PIK3R6: variants seen among roughly 807,000 people sequenced by gnomAD.
The protein encoded by PIK3R6 is phosphoinositide-3-kinase regulatory subunit 6, also known as phosphoinositide 3-kinase regulatory subunit 6.
PIK3R6 carries 91 observed loss-of-function variants against 84.9 expected under a neutral mutation model. The ratio of observed to expected loss-of-function variants is 1.07; its 90% CI spans 0.90 to 1.28. PIK3R6 has a LOEUF of 1.28. Among genes scored for constraint, PIK3R6 ranks in the 50% most tolerant of loss-of-function variants. The probability of loss-of-function intolerance (pLI) is 0.00; values close to 1 mark genes in which losing one functional copy is unlikely to be tolerated. For synonymous variants in PIK3R6, 416 were observed against 411.4 expected (o/e 1.01, Z -0.13); for missense variants, 996 against 985.1 (o/e 1.01, Z -0.15).
intron 13 of PIK3R6, among the ~76,000 whole-genome samples, chr17:8,824,810 C>T (rs1165847671): frequency 6.6e-6 from 1 of 152,130 alleles, no homozygotes; most frequent in Non-Finnish European, 1.5e-5. Context: ...TATGCAAAGA[C>T]ATTTTCGGAT....
At chr17:8,829,293 C>CA (rs1567587429) in intron 10 of PIK3R6, among the ~76,000 whole-genome samples, 2 of 115,958 alleles carry the variant, frequency 1.7e-5, no homozygotes, top group African/African-American at 3.6e-5. Flanking sequence ...ACGCATCATG[C>CA]ATACACACAC....
intron 1 of PIK3R6, among the ~76,000 whole-genome samples, chr17:8,853,593 T>G (rs2089040662): frequency 6.6e-6 from 1 of 151,600 alleles, no homozygotes; most frequent in Admixed American, 6.6e-5. Context: ...GAAATGCTAA[T>G]TAGATAAATC....
intron 1 of PIK3R6, among the ~76,000 whole-genome samples, chr17:8,850,709 C>T (rs1006532396): frequency 3.3e-5 from 5 of 151,836 alleles, no homozygotes; most frequent in African/African-American, 4.8e-5. Context: ...AGAAAACAAG[C>T]GAACAAACAA....
rs370161658 is a variant in PIK3R6 at position 8,832,901 on chromosome 17, C to G, written c.790G>C (p.Gly264Arg). 1.9e-6 allele frequency: 3 copies of G among 1,612,778 alleles called. No individual in the cohort carries two copies. The highest frequency in any genetic ancestry group is 2.5e-6 in the Non-Finnish European group (3 of 1,179,730). ...IYCSLLGPAAGRCGGDLVQER... is the reference protein window; with the variant it reads ...IYCSLLGPAARRCGGDLVQER... Reference sequence around the variant, plus strand: ...GCCAGTCGCTTACCACCGCAGCGCCCCGCCGCGGGACCCAGCAGCGAGCAG... The same window carrying G: ...GCCAGTCGCTTACCACCGCAGCGCCGCGCCGCGGGACCCAGCAGCGAGCAG... Residue 264 changes from glycine (G) to arginine (R), a missense_variant, in exon 9 of 20, where the codon GGG (glycine) becomes CGG (arginine). Gly to Arg is a moderately radical substitution (Grantham distance 125). Transcript: ENST00000619866.
At chr17:8,813,513 G>A (rs546402285) in intron 18 of PIK3R6, among the ~76,000 whole-genome samples, 1 of 152,110 alleles carries the variant, frequency 6.6e-6, no homozygotes, top group African/African-American at 2.4e-5. Flanking sequence ...CCTCAACAAA[G>A]TACTAGCAAA....
At chr17:8,858,484 T>C (rs2089197952) in intron 1 of PIK3R6, among the ~76,000 whole-genome samples, 1 of 151,900 alleles carries the variant, frequency 6.6e-6, no homozygotes, top group Non-Finnish European at 1.5e-5. Context: ...CCCTGGCTAA[T>C]TTTTGTATTT....
chr17:8,831,258 A>C (rs1251334702), intron 9 of PIK3R6, among the ~76,000 whole-genome samples: 1 of 137,966 alleles, frequency 7.2e-6, no homozygotes, highest in African/African-American at 2.8e-5. Flanking sequence ...TAAGCCCAGG[A>C]GGTCAAGGCT....
intron 1 of PIK3R6, among the ~76,000 whole-genome samples, chr17:8,866,608 C>T (rs1279624592): frequency 6.6e-6 from 1 of 152,140 alleles, no homozygotes; most frequent in Non-Finnish European, 1.5e-5. Flanking sequence ...CCCCCCAACA[C>T]CTGACTTTCC....
intron 1 of PIK3R6, among the ~76,000 whole-genome samples, chr17:8,850,917 A>G (rs892361170): frequency 5.9e-5 from 9 of 152,204 alleles, no homozygotes; most frequent in African/African-American, 1.9e-4. Flanking sequence ...ATTTGTAACC[A>G]GTGAGGAAAT....
chr17:8,863,195 T>C (rs905013453), intron 1 of PIK3R6, among the ~76,000 whole-genome samples: 1 of 152,188 alleles, frequency 6.6e-6, no homozygotes, highest in African/African-American at 2.4e-5. Context: ...TATGTAGATA[T>C]TTAAATATAG....
chr17:8,838,685 G>A (rs2088567380), intron 3 of PIK3R6, 30 bp from the exon 4 acceptor site: 4 of 1,557,236 alleles, frequency 2.6e-6, no homozygotes, highest in Non-Finnish European at 3.5e-6. Context: ...AGCCCGGCAT[G>A]AGCAGGTGGG....
Position 8,849,879 on chromosome 17 carries a change from G to T in PIK3R6, c.-85C>A. 6.5e-7 allele frequency: 1 copy of T among 1,538,182 alleles called. No individual in the cohort carries two copies. The highest frequency in any genetic ancestry group is 8.8e-7 in the Non-Finnish European group (1 of 1,134,254). On this transcript the variant is annotated 5_prime_UTR_variant, in exon 2 of 20. Transcript: ENST00000619866. The stretch of plus-strand genomic sequence containing the variant: ...CAAGGTGGTTGCTTTTCTGCACAGA[G>T]GTGGTTCTGCAAAATAAGAGGTAGT...
intron 18 of PIK3R6, among the ~76,000 whole-genome samples, chr17:8,818,422 G>A (rs1468482807): frequency 6.6e-6 from 1 of 152,204 alleles, no homozygotes; most frequent in African/African-American, 2.4e-5. Flanking sequence ...GCTGCGGCAG[G>A]TGCATCACCT....
chr17:8,827,441 T>C, intron 12 of PIK3R6, 147 bp from the exon 13 acceptor site: 3 of 1,028,428 alleles, frequency 2.9e-6, no homozygotes, highest in Non-Finnish European at 4.1e-6. Context: ...GTCGTTGTTC[T>C]GTTTTATAAA....
intron 17 of PIK3R6, among the ~76,000 whole-genome samples, chr17:8,820,470 TAGTC>T (rs925865398): frequency 4.0e-5 from 6 of 151,846 alleles, no homozygotes; most frequent in Admixed American, 6.6e-5. Context: ...GTCACATAGA[TAGTC>T]AGCGGCAAAG....
At chr17:8,829,133 ACT>A (rs199844919) in intron 10 of PIK3R6, 143 bp from the exon 11 acceptor site, 11,845 of 783,572 alleles carry the variant, frequency 0.015, 137 homozygotes, top group Non-Finnish European at 0.018. Flanking sequence ...ATGCACAGAG[ACT>A]CACACACAGA....
chr17:8,856,494 C>A (rs917713021), intron 1 of PIK3R6, among the ~76,000 whole-genome samples: 1 of 152,130 alleles, frequency 6.6e-6, no homozygotes, highest in African/African-American at 2.4e-5. Context: ...CCCAGCTACC[C>A]GGGAGGCTGA....
intron 1 of PIK3R6, among the ~76,000 whole-genome samples, chr17:8,867,150 T>C (rs747376854): frequency 6.6e-6 from 1 of 152,118 alleles, no homozygotes; most frequent in Non-Finnish European, 1.5e-5. Context: ...AAAACACTTA[T>C]CCAGTCAACC....
intron 1 of PIK3R6, among the ~76,000 whole-genome samples, chr17:8,852,093 G>A (rs1303078590): frequency 2.0e-5 from 3 of 152,200 alleles, no homozygotes; most frequent in Non-Finnish European, 4.4e-5. Context: ...GGCAGAGACA[G>A]CAAGTATGAC....
Sources: allele counts gnomAD v4.1 joint callset (sites outside exome capture counted in the v4.1 genomes callset), GRCh38; gene constraint gnomAD v4.1.1; transcripts MANE v1.5; gene names NCBI Gene and HGNC (gene_info 2026-07-23, HGNC 2026-07-21).